Variants in CPEB3 observed in about 807,000 individuals in gnomAD.
CPEB3 encodes cytoplasmic polyadenylation element binding protein 3, also known as cytoplasmic polyadenylation element-binding protein 3.
CPEB3 carries 20 observed loss-of-function variants against 67.2 expected under a neutral mutation model. The ratio of observed to expected loss-of-function variants is 0.30; its 90% CI spans 0.21 to 0.43. The LOEUF (loss-of-function observed/expected upper bound fraction) is 0.43. CPEB3 is among the 20% of genes least tolerant of loss of function. The pLI is 1.00. For synonymous variants in CPEB3, 376 were observed against 393.1 expected, an observed-to-expected ratio of 0.96 and a Z score of 0.51; for missense variants, 746 against 968.6, an observed-to-expected ratio of 0.77 and a Z score of 3.05.
intron 7 of CPEB3, 116 bp from the exon 8 acceptor site, chr10:92,092,060 C>T (rs936390230): frequency 8.6e-6 from 6 of 699,452 alleles, no homozygotes; most frequent in Admixed American, 8.2e-5. Context: ...ATGACCCAAA[C>T]AAAATCCAGT....
chr10:92,280,127 G>T (rs1842197139), intron 1 of CPEB3, among the ~76,000 whole-genome samples: 1 of 151,996 alleles, frequency 6.6e-6, no homozygotes, highest in Admixed American at 6.6e-5. Flanking sequence ...TGGATCACCT[G>T]TTGTCAAGAG....
chr10:92,137,799 C>T (rs1212734940), intron 6 of CPEB3: 1 of 237,628 alleles, frequency 4.2e-6, no homozygotes, highest in Non-Finnish European at 8.1e-6. Context: ...GAGAGCCAGA[C>T]CATCCTGGCT....
At chr10:92,183,367 A>G (rs370226815) in intron 3 of CPEB3, among the ~76,000 whole-genome samples, 4 of 152,302 alleles carry the variant, frequency 2.6e-5, no homozygotes, top group African/African-American at 9.6e-5. Flanking sequence ...TATAGTTGGC[A>G]ACAAGTGTTA....
intron 7 of CPEB3, among the ~76,000 whole-genome samples, chr10:92,095,948 C>T (rs1843854002): frequency 6.6e-6 from 1 of 151,522 alleles, no homozygotes. Flanking sequence ...CAATCTCAGT[C>T]CACTGAAACC....
rs909549413 is a variant in CPEB3 at position 92,275,845 on chromosome 10, C to CTTT, written c.-12+15078_-12+15080dup. ...GCATGTATCAGTACTTCATTCTTTT[C>CTTT]TTTTTTTTTTTTTTTTTTTTTGAGA... On this transcript the variant is annotated intron_variant, in intron 1 of 9. Transcript: ENST00000265997. Among the ~76,000 whole-genome samples the CTTT allele has an allele frequency of 2.7e-3, 252 of 92,944 alleles. 3 individuals are homozygous for CTTT. The highest frequency in any genetic ancestry group is 6.5e-3 in the African/African-American group (177 of 27,256). The allele number at this position is 92,944 out of a possible 152,430, so 61.0% of individuals were successfully genotyped here.
chr10:92,071,734 C>CAA (rs777747362), intron 9 of CPEB3, among the ~76,000 whole-genome samples: 5 of 123,242 alleles, frequency 4.1e-5, no homozygotes, highest in Non-Finnish European at 6.9e-5. Flanking sequence ...GACTCCATCT[C>CAA]AAAAAAAAAA....
chr10:92,052,086 C>T lies in CPEB3; in HGVS notation c.*126G>A. On this transcript the variant is annotated 3_prime_UTR_variant, in exon 10 of 10. Transcript: ENST00000265997. ...TAATAATAATAATAATAAAAAGACC[C>T]AATTCTTCTTTAAAAATCGAGAACG... The T allele has an allele frequency of 1.6e-6, 1 of 616,260 alleles. No homozygotes were observed. The highest frequency in any genetic ancestry group is 2.9e-6 in the Non-Finnish European group (1 of 346,136). 38.2% of individuals were successfully genotyped at this position (616,260 alleles called of 1,614,324 possible). A position where few individuals can be genotyped will look rare whatever the true frequency, so the allele number is the denominator to read the frequency against.
In CPEB3 at chr10:92,220,599, C is replaced by T. The variant is rs547397430; in HGVS notation, c.1005+18747G>A. ...CATGTTAAAAAAAAAAAAAAACCTC[C>T]TTCCAAAACAAGTAAACAAGACAGG... On this transcript the variant is annotated intron_variant, in intron 2 of 9. Transcript: ENST00000265997. Among the ~76,000 whole-genome samples the T allele has an allele frequency of 3.1e-3, 471 of 151,482 alleles. 1 individual carries two copies. The highest frequency in any genetic ancestry group is 3.9e-3 in the Non-Finnish European group (267 of 67,916).
chr10:92,276,467 T>G (rs1458634874), intron 1 of CPEB3, among the ~76,000 whole-genome samples: 3 of 151,662 alleles, frequency 2.0e-5, no homozygotes, highest in Admixed American at 1.3e-4. Context: ...TTAGTAGAGA[T>G]GAGGTTTCGC....
intron 4 of CPEB3, among the ~76,000 whole-genome samples, chr10:92,173,560 G>A (rs894219704): frequency 2.0e-5 from 3 of 151,980 alleles, no homozygotes; most frequent in African/African-American, 7.3e-5. Context: ...TTTGTGTTAA[G>A]GTAGTAAATA....
intron 2 of CPEB3, among the ~76,000 whole-genome samples, chr10:92,222,606 A>G (rs181722284): frequency 8.7e-4 from 133 of 152,296 alleles, no homozygotes; most frequent in Admixed American, 2.2e-3. Flanking sequence ...ATTGGGTGCC[A>G]TGTTGTTGGG....
chr10:92,078,133 A>G (rs1444061508), intron 9 of CPEB3, among the ~76,000 whole-genome samples: 2 of 152,110 alleles, frequency 1.3e-5, no homozygotes, highest in Admixed American at 1.3e-4. Flanking sequence ...CAAGGCTATT[A>G]CTATTGCCTT....
At chr10:92,236,610 G>A (rs1409338063) in intron 2 of CPEB3, among the ~76,000 whole-genome samples, 3 of 152,048 alleles carry the variant, frequency 2.0e-5, no homozygotes, top group Non-Finnish European at 2.9e-5. Flanking sequence ...TTAGCCGGGC[G>A]TGGTGGCGGA....
chr10:92,228,962 T>C (rs1851126531), intron 2 of CPEB3, among the ~76,000 whole-genome samples: 1 of 152,108 alleles, frequency 6.6e-6, no homozygotes, highest in South Asian at 2.1e-4. Flanking sequence ...TCCGCCCACC[T>C]TGGCCTCCCA....
intron 2 of CPEB3, among the ~76,000 whole-genome samples, chr10:92,235,427 AGGG>A (rs1231332616): frequency 6.6e-6 from 1 of 151,890 alleles, no homozygotes; most frequent in East Asian, 1.9e-4. Context: ...CCTGGGTGAC[AGGG>A]TGAGACATTG....
chr10:92,268,272 A>C (rs976666100), intron 1 of CPEB3, among the ~76,000 whole-genome samples: 5 of 152,106 alleles, frequency 3.3e-5, no homozygotes, highest in African/African-American at 4.8e-5. Flanking sequence ...TGAGAATATT[A>C]CCTGTTCCTG....
At chr10:92,235,251 G>T (rs1851471267) in intron 2 of CPEB3, among the ~76,000 whole-genome samples, 6 of 152,190 alleles carry the variant, frequency 3.9e-5, no homozygotes, top group Admixed American at 3.3e-4. Flanking sequence ...TTCAAGACCA[G>T]CCTGACTAAT....
At chr10:92,196,739 C>T (rs1397200074) in intron 2 of CPEB3, among the ~76,000 whole-genome samples, 1 of 149,706 alleles carries the variant, frequency 6.7e-6, no homozygotes, top group Non-Finnish European at 1.5e-5. Flanking sequence ...CTGCACTCAG[C>T]CTGGGCGACA....
chr10:92,157,663 A>C (rs1247951166), intron 4 of CPEB3, among the ~76,000 whole-genome samples: 1 of 152,136 alleles, frequency 6.6e-6, no homozygotes, highest in Non-Finnish European at 1.5e-5. Flanking sequence ...CCAACCTAAT[A>C]AGATCAAGAA....
Sources: allele counts gnomAD v4.1 joint callset (sites outside exome capture counted in the v4.1 genomes callset), GRCh38; gene constraint gnomAD v4.1.1; transcripts MANE v1.5; gene names NCBI Gene and HGNC (gene_info 2026-07-23, HGNC 2026-07-21).